The following OR51C1 variants were observed in gnomAD, a reference collection of about 807,000 sequenced individuals.
OR51C1 encodes olfactory receptor family 51 subfamily C member 1.
chr11:4,694,503 CACACACATATATATATAT>C, the OR51C1 span, among the ~76,000 whole-genome samples: 4 of 142,018 alleles, frequency 2.8e-5, no homozygotes, highest in Admixed American at 7.4e-5. Context: ...TATATATATA[CACACACATATATATATAT>C]ACACACACAC....
At chr11:4,694,277 G>T in the OR51C1 span, among the ~76,000 whole-genome samples, 1 of 151,368 alleles carries the variant, frequency 6.6e-6, no homozygotes, top group African/African-American at 2.4e-5. Flanking sequence ...ATTTTGACCT[G>T]ATCTGTGTTG....
At chr11:4,694,684 C>T in the OR51C1 span, among the ~76,000 whole-genome samples, 2 of 151,902 alleles carry the variant, frequency 1.3e-5, no homozygotes, top group Admixed American at 1.3e-4. Flanking sequence ...ATATCTACTA[C>T]ATGCCAGACA....
chr11:4,691,342 C>A, the OR51C1 span: 2 of 457,582 alleles, frequency 4.4e-6, no homozygotes, highest in Non-Finnish European at 8.8e-6. Flanking sequence ...CGATCAAAAG[C>A]CATGGCCAAC....
the OR51C1 span, chr11:4,690,947 T>C: frequency 2.2e-6 from 1 of 454,406 alleles, no homozygotes; most frequent in Admixed American, 2.4e-5. Flanking sequence ...GAATGTAATA[T>C]ATAGCAAAAG....
At chr11:4,690,803 C>A in the OR51C1 span, 1 of 433,918 alleles carries the variant, frequency 2.3e-6, no homozygotes, top group Non-Finnish European at 4.6e-6. Flanking sequence ...CTCTACGTAT[C>A]TGTTTGGTTT....
the OR51C1 span, among the ~76,000 whole-genome samples, chr11:4,693,393 G>A: frequency 2.0e-5 from 3 of 152,150 alleles, no homozygotes; most frequent in South Asian, 4.1e-4. Context: ...AAGTTGAGAC[G>A]AAGAATTCCC....
At chr11:4,696,947 A>G in the OR51C1 span, among the ~76,000 whole-genome samples, 1 of 152,338 alleles carries the variant, frequency 6.6e-6, no homozygotes, top group East Asian at 1.9e-4. Context: ...CATCTACACC[A>G]TTAATAAAAA....
chr11:4,696,258 C>T, the OR51C1 span, among the ~76,000 whole-genome samples: 1 of 152,144 alleles, frequency 6.6e-6, no homozygotes, highest in East Asian at 1.9e-4. Context: ...GGAACTCATT[C>T]TCTCGTCCCC....
chr11:4,693,612 T>C, the OR51C1 span, among the ~76,000 whole-genome samples: 1 of 151,968 alleles, frequency 6.6e-6, no homozygotes, highest in South Asian at 2.1e-4. Context: ...TTCCAGCTAC[T>C]GGGGAGGCTG....
the OR51C1 span, among the ~76,000 whole-genome samples, chr11:4,693,887 T>C: frequency 6.6e-6 from 1 of 152,338 alleles, no homozygotes; most frequent in African/African-American, 2.4e-5. Flanking sequence ...TTAGAGAGTT[T>C]ATAATCCAGT....
At chr11:4,691,375 T>A in the OR51C1 span, 3 of 457,712 alleles carry the variant, frequency 6.6e-6, no homozygotes, top group South Asian at 4.6e-5. Context: ...TCCATGACAG[T>A]GAAGAATTTA....
At chr11:4,693,701 G>A in the OR51C1 span, among the ~76,000 whole-genome samples, 3 of 152,052 alleles carry the variant, frequency 2.0e-5, no homozygotes, top group Non-Finnish European at 4.4e-5. Context: ...CAACCTGGGC[G>A]ACAGAGCGAG....
At chr11:4,692,235 A>G in the OR51C1 span, 2 of 427,728 alleles carry the variant, frequency 4.7e-6, no homozygotes, top group South Asian at 3.4e-5. Context: ...GATCATTATA[A>G]TACAAAGTAA....
the OR51C1 span, among the ~76,000 whole-genome samples, chr11:4,696,215 A>T: frequency 6.6e-5 from 10 of 152,238 alleles, no homozygotes; most frequent in Non-Finnish European, 1.3e-4. Flanking sequence ...ACCCATCATC[A>T]CTCAGTTACT....
At chr11:4,690,541 T>C in the OR51C1 span, 1 of 221,198 alleles carries the variant, frequency 4.5e-6, no homozygotes, top group Admixed American at 5.3e-5. Context: ...AATTTTAGGC[T>C]GTTCATCTCT....
chr11:4,690,878 A>G, the OR51C1 span: 1 of 456,496 alleles, frequency 2.2e-6, no homozygotes, highest in Non-Finnish European at 4.4e-6. Context: ...CAATCATAGT[A>G]TGTACATAGG....
chr11:4,692,733 T>C, the OR51C1 span, among the ~76,000 whole-genome samples: 7 of 151,666 alleles, frequency 4.6e-5, no homozygotes, highest in African/African-American at 1.7e-4. Flanking sequence ...GAAAGGGTGC[T>C]GGGTGGCTGA....
At chr11:4,695,915 T>C in the OR51C1 span, among the ~76,000 whole-genome samples, 2 of 152,184 alleles carry the variant, frequency 1.3e-5, no homozygotes, top group Non-Finnish European at 2.9e-5. Context: ...GATATCTTGG[T>C]TATTCTCATG....
the OR51C1 span, among the ~76,000 whole-genome samples, chr11:4,697,275 C>G: frequency 1.3e-5 from 2 of 152,184 alleles, no homozygotes; most frequent in African/African-American, 2.4e-5. Flanking sequence ...CCAGTTTCCT[C>G]ATCTATAAGA....
Sources: allele counts gnomAD v4.1 joint callset (sites outside exome capture counted in the v4.1 genomes callset), GRCh38; gene constraint gnomAD v4.1.1; transcripts MANE v1.5; gene names NCBI Gene and HGNC (gene_info 2026-07-23, HGNC 2026-07-21).